The following D2HGDH variants were observed in gnomAD, a reference collection of about 807,000 sequenced individuals.
D2HGDH encodes the protein D-2-hydroxyglutarate dehydrogenase, mitochondrial.
In D2HGDH, 31 loss-of-function variants were observed where a neutral mutation model predicts 46.9. The observed-to-expected ratio is 0.66, with a 90% CI of 0.50 to 0.89. The LOEUF is 0.89. D2HGDH is among the 40% of genes least tolerant of loss of function. The pLI, the probability that D2HGDH is intolerant of heterozygous loss-of-function variation, is 0.00. For missense variants in D2HGDH, 698 were observed against 720.8 expected (o/e 0.97, Z 0.36); for synonymous variants, 364 against 332.6 (o/e 1.09, Z -1.03).
intron 6 of D2HGDH, chr2:241,749,646 C>T: frequency 6.2e-6 from 2 of 321,470 alleles, no homozygotes; most frequent in Non-Finnish European, 1.2e-5. Flanking sequence ...GTTGCTGGCT[C>T]TGTGTTTGCA....
At chr2:241,751,428 G>A (rs371533312) in intron 8 of D2HGDH, 40 bp downstream of exon 8, 73 of 1,609,230 alleles carry the variant, frequency 4.5e-5, no homozygotes, top group East Asian at 6.7e-5. Flanking sequence ...CTCTCTGTCC[G>A]TCCAGTCCAG....
intron 9 of D2HGDH, among the ~76,000 whole-genome samples, chr2:241,756,712 G>GC (rs1300222483): frequency 2.6e-5 from 4 of 152,192 alleles, no homozygotes; most frequent in Admixed American, 2.0e-4. Flanking sequence ...AGTAGAGACA[G>GC]GGTTTTGCCA....
chr2:241,756,413 C>G (rs1698187009), intron 9 of D2HGDH, among the ~76,000 whole-genome samples: 1 of 152,234 alleles, frequency 6.6e-6, no homozygotes, highest in African/African-American at 2.4e-5. Context: ...CTGCTCTACC[C>G]CTTCAGATGG....
chr2:241,751,507 A>C, intron 8 of D2HGDH, 119 bp downstream of exon 8: 1 of 1,467,462 alleles, frequency 6.8e-7, no homozygotes, highest in South Asian at 1.2e-5. Flanking sequence ...CTGAAATGTG[A>C]CTGGGTTTCA....
intron 8 of D2HGDH, chr2:241,755,588 A>G (rs1181545256): frequency 1.3e-6 from 2 of 1,482,592 alleles, no homozygotes; most frequent in Non-Finnish European, 1.8e-6. Flanking sequence ...TGGGACATTC[A>G]CTGTCTGGGA....
At chr2:241,758,208 G>C (rs760863191) in intron 9 of D2HGDH, among the ~76,000 whole-genome samples, 1 of 152,140 alleles carries the variant, frequency 6.6e-6, no homozygotes, top group Non-Finnish European at 1.5e-5. Context: ...GGATGATTCT[G>C]TTCCACGCTG....
chr2:241,748,815 C>G, intron 6 of D2HGDH: 1 of 1,189,084 alleles, frequency 8.4e-7, no homozygotes, highest in Non-Finnish European at 1.1e-6. Flanking sequence ...TCGGTGGTTC[C>G]TCTTCATCCA....
chr2:241,755,067 G>C (rs770005647), intron 8 of D2HGDH: 4 of 1,302,886 alleles, frequency 3.1e-6, no homozygotes, highest in Non-Finnish European at 4.0e-6. Flanking sequence ...GAAGTTCGAA[G>C]CAAGCAAAAG....
Position 241,743,910 on chromosome 2 carries a change from C to G in D2HGDH, c.684+95C>G. On this transcript the variant is annotated intron_variant, in intron 5 of 9. Transcript: ENST00000321264. The surrounding 1 kb of genome is among the most constrained non-coding windows in gnomAD (Gnocchi z 4.8). Reference sequence around the variant, plus strand: ...GTGGTGGCACAGGTGCATGGGGCCCCTCGGGGTGGGAGGTCTTGGTTCCTG... The same window carrying G: ...GTGGTGGCACAGGTGCATGGGGCCCGTCGGGGTGGGAGGTCTTGGTTCCTG... 3 of 1,423,086 alleles carry G rather than the reference C, an allele frequency of 2.1e-6. No individual in the cohort carries two copies. The allele number at this position is 1,423,086 out of a possible 1,614,324, so 88.2% of individuals were successfully genotyped here. A position where few individuals can be genotyped will look rare whatever the true frequency, so the allele number is the denominator to read the frequency against.
rs1249183156 is a variant in D2HGDH at position 241,742,097 on chromosome 2, G to A, written c.351-338G>A. Among the ~76,000 whole-genome samples, 2 of 152,126 alleles carry A rather than the reference G, an allele frequency of 1.3e-5. No individual in the cohort carries two copies. The highest frequency in any genetic ancestry group is 3.8e-4 in the East Asian group (2 of 5,198). On this transcript the variant is annotated intron_variant, in intron 3 of 9. Transcript: ENST00000321264. This position sits in a 1 kb window ranked among gnomAD's most constrained non-coding sequence, Gnocchi z 4.8. ...GAGGGTGGAAGGCAGTGGGGGCAGT[G>A]CGGTCGAGGAACCCTGAGCTGGACC...
chr2:241,740,640 T>G (rs1694184908), intron 2 of D2HGDH, among the ~76,000 whole-genome samples: 1 of 152,146 alleles, frequency 6.6e-6, no homozygotes, highest in South Asian at 2.1e-4. Context: ...CCTCCTCAGC[T>G]TCCCAAATAA....
Position 241,767,839 on chromosome 2 carries a change from G to T in D2HGDH, c.1436G>T (p.Gly479Val). ...AGCGTCAGCGCGGAGCACGGAGTGG[G>T]CTTCAGGAAGAGGGACGTCCTGGGC... is the stretch of plus-strand genomic sequence containing the variant. ...QGSVSAEHGV[G>V]FRKRDVLGYS... Residue 479 changes from glycine to valine, a missense_variant, in exon 10 of 10, where the codon GGC (glycine) becomes GTC (valine). Transcript: ENST00000321264. 1 of 1,612,256 alleles carries T rather than the reference G, an allele frequency of 6.2e-7. No individual in the cohort carries two copies.
In D2HGDH at chr2:241,743,494, C is replaced by A; in HGVS notation, c.491-128C>A. On this transcript the variant is annotated intron_variant, in intron 4 of 9. Transcript: ENST00000321264. The surrounding 1 kb of genome is among the most constrained non-coding windows in gnomAD (Gnocchi z 4.8). ...CCAGCGATGTGGGGGTGCCTCTTCTCCTCAGCCCTGGCGCTGAGGCTGATG... is the reference window on the plus strand; with the variant it reads ...CCAGCGATGTGGGGGTGCCTCTTCTACTCAGCCCTGGCGCTGAGGCTGATG... 1.9e-6 allele frequency: 2 copies of A among 1,076,052 alleles called. No homozygotes were observed. The allele number at this position is 1,076,052 out of a possible 1,614,324, so 66.7% of individuals were successfully genotyped here. A position where few individuals can be genotyped will look rare whatever the true frequency, so the allele number is the denominator to read the frequency against.
intron 6 of D2HGDH, among the ~76,000 whole-genome samples, chr2:241,746,932 T>A (rs1432023636): frequency 6.6e-6 from 1 of 152,064 alleles, no homozygotes; most frequent in Non-Finnish European, 1.5e-5. Context: ...TGATGTTTTA[T>A]AATCAGGCAA....
chr2:241,755,561 G>A (rs775044878), intron 8 of D2HGDH: 38 of 1,430,226 alleles, frequency 2.7e-5, no homozygotes, highest in Admixed American at 6.4e-5. Flanking sequence ...CAGGGTGCTC[G>A]GTGCTGTCGT....
intron 9 of D2HGDH, among the ~76,000 whole-genome samples, chr2:241,762,165 G>A (rs1374352545): frequency 2.7e-5 from 4 of 148,364 alleles, no homozygotes; most frequent in East Asian, 2.0e-4. Context: ...TCCGCCTCCC[G>A]GGTTCAGGCG....
In D2HGDH at chr2:241,755,832, C is replaced by T. The variant is rs1698106463; in HGVS notation, c.1141-17C>T. ...TTCCCATAGCCAGCCCTTGTCTCAT[C>T]TCGTCTCATCCTCTAGATGCTGTGG... On this transcript the variant is annotated splice_polypyrimidine_tract_variant and intron_variant, in intron 8 of 9. Coordinates refer to ENST00000321264, the MANE Select transcript of D2HGDH (RefSeq NM_152783.5). The T allele has an allele frequency of 6.2e-7, 1 of 1,610,986 alleles. No homozygotes were observed. Among genetic ancestry groups the T allele is most frequent in the African/African-American group, 1.3e-5 (1 of 74,866 alleles).
chr2:241,758,924 G>A (rs1218539880), intron 9 of D2HGDH, among the ~76,000 whole-genome samples: 1 of 152,106 alleles, frequency 6.6e-6, no homozygotes, highest in Non-Finnish European at 1.5e-5. Context: ...CAGGCGTGAG[G>A]TACTGTGCCT....
At chr2:241,758,769 A>ATATGTGTGTGTG (rs1315576359) in intron 9 of D2HGDH, among the ~76,000 whole-genome samples, 2 of 131,970 alleles carry the variant, frequency 1.5e-5, no homozygotes, top group Admixed American at 7.9e-5. Context: ...CCCACAATAT[A>ATATGTGTGTGTG]TGTGTGTGTG....
Sources: gnomAD v4.1 joint callset for allele counts (sites outside exome capture counted in the v4.1 genomes callset) on GRCh38, gnomAD v4.1.1 for gene constraint, Gnocchi (gnomAD v3.1) non-coding constraint, MANE v1.5 for transcripts, NCBI Gene and HGNC (gene_info 2026-07-23, HGNC 2026-07-21) for gene names.